FSTL5: variants seen among roughly 807,000 people sequenced by gnomAD.
FSTL5 encodes follistatin like 5.
Under a neutral mutation model 89.1 loss-of-function variants are expected in FSTL5, and 62 were observed. The observed-to-expected ratio is 0.70, with a 90% CI of 0.57 to 0.86. The LOEUF (loss-of-function observed/expected upper bound fraction) is 0.86. FSTL5 is among the 40% of genes least tolerant of loss of function. FSTL5 has a pLI of 0.00. For missense variants in FSTL5, 1,057 were observed against 1,001.6 expected, an observed-to-expected ratio of 1.06 and a Z score of -0.75; for synonymous variants, 383 against 346.2, an observed-to-expected ratio of 1.11 and a Z score of -1.18.
intron 2 of FSTL5, among the ~76,000 whole-genome samples, chr4:162,070,248 G>A (rs1729557610): frequency 6.6e-6 from 1 of 151,590 alleles, no homozygotes; most frequent in African/African-American, 2.4e-5. Flanking sequence ...TGAGTTCCTT[G>A]GATATTTTGG....
At position 161,776,046 on chromosome 4, in the gene FSTL5, G is replaced by T; in HGVS notation, c.438C>A (p.Ser146Arg). The T allele has an allele frequency of 6.4e-7, 1 of 1,570,840 alleles. No homozygotes were observed. Among genetic ancestry groups the T allele is most frequent in the Non-Finnish European group, 8.7e-7 (1 of 1,148,962 alleles). ...AATCTAATAGCATATTTTTCATCTTGCTGTATTCAGTAGTCTTGCACTTAT... is the reference window on the plus strand; with the variant it reads ...AATCTAATAGCATATTTTTCATCTTTCTGTATTCAGTAGTCTTGCACTTAT... ...KGDKCKTTEY[S>R]KMKNMLLDLQ... The change falls in exon 5 of 16, where the codon AGC becomes AGA. Residue 146 changes from serine (S) to arginine (R), a missense_variant. By Grantham distance (110) the Ser-to-Arg change is moderately radical (BLOSUM62 -1). This residue lies in a region of FSTL5 where 980 missense variants were observed against 903.2 expected (regional missense o/e 1.08). Transcript: ENST00000306100.
At chr4:161,663,434 A>G (rs769665470) in intron 6 of FSTL5, among the ~76,000 whole-genome samples, 8 of 152,260 alleles carry the variant, frequency 5.3e-5, no homozygotes, top group Non-Finnish European at 1.2e-4. Flanking sequence ...AAGGGGTTAC[A>G]TGGCCCATAA....
At chr4:162,020,004 G>C (rs1038159988) in intron 3 of FSTL5, among the ~76,000 whole-genome samples, 4 of 148,016 alleles carry the variant, frequency 2.7e-5, no homozygotes, top group Non-Finnish European at 6.0e-5. Flanking sequence ...ATTTAGACTT[G>C]AGCATCTATT....
intron 15 of FSTL5, among the ~76,000 whole-genome samples, chr4:161,450,347 T>G (rs9631763): frequency 0.075 from 11,346 of 152,240 alleles, 1,251 homozygotes; most frequent in African/African-American, 0.24. Flanking sequence ...ATTTAAATTT[T>G]TCTCTCTTCA....
chr4:161,434,122 T>C (rs761163129), intron 15 of FSTL5, among the ~76,000 whole-genome samples: 47 of 152,006 alleles, frequency 3.1e-4, no homozygotes, highest in Non-Finnish European at 5.0e-4. Flanking sequence ...AGAACAAAAC[T>C]GGAGGAGTCA....
intron 4 of FSTL5, among the ~76,000 whole-genome samples, chr4:161,814,489 A>G (rs908669311): frequency 6.6e-6 from 1 of 152,184 alleles, no homozygotes; most frequent in African/African-American, 2.4e-5. Flanking sequence ...AAATGTATAT[A>G]AAGTGCTAGT....
chr4:161,706,384 G>C (rs1041073723), intron 6 of FSTL5, among the ~76,000 whole-genome samples: 2 of 151,872 alleles, frequency 1.3e-5, no homozygotes, highest in African/African-American at 4.8e-5. Context: ...TTTAGATGTA[G>C]AAATAATTTA....
chr4:161,525,350 C>A (rs904858583), intron 10 of FSTL5, among the ~76,000 whole-genome samples: 3 of 152,056 alleles, frequency 2.0e-5, no homozygotes, highest in Non-Finnish European at 4.4e-5. Context: ...CTTTTATTAT[C>A]CTAACAATAA....
At chr4:161,972,800 T>A (rs1483554699) in intron 3 of FSTL5, among the ~76,000 whole-genome samples, 1 of 152,234 alleles carries the variant, frequency 6.6e-6, no homozygotes, top group Non-Finnish European at 1.5e-5. Flanking sequence ...TTTGTGGTAA[T>A]TTATTACCAG....
At chr4:161,713,041 C>T (rs1738853535) in intron 6 of FSTL5, among the ~76,000 whole-genome samples, 2 of 152,234 alleles carry the variant, frequency 1.3e-5, no homozygotes, top group African/African-American at 2.4e-5. Flanking sequence ...TATAGCAACA[C>T]AAACAGACTA....
At chr4:161,726,911 A>AT (rs1560811972) in intron 6 of FSTL5, among the ~76,000 whole-genome samples, 22 of 40,310 alleles carry the variant, frequency 5.5e-4, no homozygotes, top group South Asian at 4.5e-3. Context: ...CAAAAAAAAA[A>AT]AATATATATA....
At chr4:161,512,772 T>A (rs1364486271) in intron 10 of FSTL5, among the ~76,000 whole-genome samples, 1 of 152,126 alleles carries the variant, frequency 6.6e-6, no homozygotes, top group African/African-American at 2.4e-5. Context: ...CAGTATTATG[T>A]TTTAACTGTT....
At chr4:161,805,034 A>G (rs1237911118) in intron 4 of FSTL5, among the ~76,000 whole-genome samples, 1 of 152,072 alleles carries the variant, frequency 6.6e-6, no homozygotes. Flanking sequence ...ATAAAGTCCT[A>G]TGTCCTGTGC....
chr4:161,834,659 C>G (rs1730972385), intron 4 of FSTL5, among the ~76,000 whole-genome samples: 1 of 151,980 alleles, frequency 6.6e-6, no homozygotes, highest in African/African-American at 2.4e-5. Context: ...ACACCAATAA[C>G]AGACAAACAG....
At chr4:161,411,582 A>T (rs527899958) in intron 15 of FSTL5, among the ~76,000 whole-genome samples, 1 of 152,336 alleles carries the variant, frequency 6.6e-6, no homozygotes, top group Admixed American at 6.5e-5. Flanking sequence ...CAAAAGCAGA[A>T]ACCATATGAT....
chr4:161,574,752 T>C (rs1200484462), intron 8 of FSTL5, among the ~76,000 whole-genome samples: 1 of 152,118 alleles, frequency 6.6e-6, no homozygotes, highest in African/African-American at 2.4e-5. Flanking sequence ...TTTTCATTGA[T>C]GGGCATTTGG....
At chr4:161,751,612 T>A (rs1018492757) in intron 6 of FSTL5, among the ~76,000 whole-genome samples, 6 of 151,900 alleles carry the variant, frequency 3.9e-5, no homozygotes, top group African/African-American at 1.4e-4. Context: ...CCATCTCTAC[T>A]AAAAAAATAA....
chr4:161,769,943 CAAG>C (rs1741150184), intron 5 of FSTL5, among the ~76,000 whole-genome samples: 2 of 150,638 alleles, frequency 1.3e-5, no homozygotes, highest in Non-Finnish European at 3.0e-5. Context: ...TCACAATAGC[CAAG>C]ATTTGGAAGC....
At chr4:161,758,795 G>A (rs966950764) in intron 6 of FSTL5, among the ~76,000 whole-genome samples, 1 of 152,188 alleles carries the variant, frequency 6.6e-6, no homozygotes, top group Admixed American at 6.5e-5. Flanking sequence ...CGGGATTACA[G>A]GCATAAGGCA....
Sources: gnomAD v4.1 joint callset for allele counts (sites outside exome capture counted in the v4.1 genomes callset) on GRCh38, gnomAD v4.1.1 for gene constraint, gnomAD v4.1.1 regional missense constraint, MANE v1.5 for transcripts, NCBI Gene and HGNC (gene_info 2026-07-23, HGNC 2026-07-21) for gene names.